WHRN: variants seen among roughly 807,000 people sequenced by gnomAD.
WHRN encodes the protein CASK-interacting protein CIP98.
Under a neutral mutation model 68.3 loss-of-function variants are expected in WHRN, and 41 were observed. The observed-to-expected ratio is 0.60, with a 90% confidence interval of 0.47 to 0.78. The LOEUF is 0.78. Ranked by LOEUF, WHRN falls within the 30% of genes least tolerant of loss-of-function variation. The pLI is 0.00. For missense variants in WHRN, 1,243 were observed against 1,244.7 expected (o/e 1.00, Z 0.02); for synonymous variants, 560 against 561.3 (o/e 1.00, Z 0.03).
At chr9:114,406,081 AC>A (rs1835001594) in intron 9 of WHRN, among the ~76,000 whole-genome samples, 2 of 152,222 alleles carry the variant, frequency 1.3e-5, no homozygotes, top group East Asian at 3.9e-4. Flanking sequence ...TGGAGAAGGC[AC>A]CCCGACGCTC....
chr9:114,458,754 T>C (rs958666414), intron 3 of WHRN, among the ~76,000 whole-genome samples: 1 of 152,104 alleles, frequency 6.6e-6, no homozygotes, highest in African/African-American at 2.4e-5. Context: ...GGAAATTATG[T>C]TGAATGGGGA....
intron 1 of WHRN, among the ~76,000 whole-genome samples, chr9:114,497,023 G>A (rs571252461): frequency 5.9e-5 from 9 of 152,222 alleles, no homozygotes; most frequent in Non-Finnish European, 1.3e-4. Flanking sequence ...GCATGGTTAA[G>A]GCCTGGCTGG....
chr9:114,435,786 G>C (rs1414690580), intron 3 of WHRN, among the ~76,000 whole-genome samples: 6 of 152,046 alleles, frequency 3.9e-5, no homozygotes, highest in African/African-American at 1.5e-4. Flanking sequence ...GGAAGGAAGG[G>C]GAAACCTCAT....
intron 3 of WHRN, among the ~76,000 whole-genome samples, chr9:114,450,615 A>G (rs572453024): frequency 1.3e-5 from 2 of 152,326 alleles, no homozygotes; most frequent in African/African-American, 4.8e-5. Flanking sequence ...TTTTATCTGC[A>G]TCAAGTGCTT....
At chr9:114,502,712 G>A (rs142588190) in intron 1 of WHRN, among the ~76,000 whole-genome samples, 9 of 152,256 alleles carry the variant, frequency 5.9e-5, no homozygotes, top group Middle Eastern at 3.4e-3. Flanking sequence ...CCTTGTGACC[G>A]TTAAGTTACC....
At chr9:114,467,333 G>A (rs910453573) in intron 2 of WHRN, among the ~76,000 whole-genome samples, 11 of 152,098 alleles carry the variant, frequency 7.2e-5, no homozygotes, top group African/African-American at 2.4e-4. Context: ...TGAGGGGCCC[G>A]CAGTCTAGTG....
chr9:114,437,550 G>A (rs1837969111), intron 3 of WHRN, among the ~76,000 whole-genome samples: 1 of 152,172 alleles, frequency 6.6e-6, no homozygotes, highest in African/African-American at 2.4e-5. Flanking sequence ...TAGGGCCTGT[G>A]AGGAGGTAAA....
chr9:114,424,657 T>C, intron 5 of WHRN, 111 bp from the exon 6 acceptor site: 1 of 1,219,810 alleles, frequency 8.2e-7, no homozygotes. Context: ...GTTTCATCTG[T>C]TATTCTCCCT....
At chr9:114,451,006 A>G (rs1178884529) in intron 3 of WHRN, among the ~76,000 whole-genome samples, 1 of 150,554 alleles carries the variant, frequency 6.6e-6, no homozygotes, top group Non-Finnish European at 1.5e-5. Context: ...AGTGACTCTT[A>G]GCATTAGCTA....
In WHRN at chr9:114,402,692, AC is replaced by A; in HGVS notation, c.*61del. 6.2e-7 allele frequency: 1 copy of A among 1,605,406 alleles called. No homozygotes were observed. The highest frequency in any genetic ancestry group is 8.5e-7 in the Non-Finnish European group (1 of 1,174,520). On this transcript the variant is annotated 3_prime_UTR_variant, in exon 12 of 12. Transcript: ENST00000362057. ...CCCCGCAAGGAGCTTGATGAAGCCA[AC>A]GGTGGAAAGGGACTGGGACCAGGGG...
chr9:114,490,223 A>G (rs1356004665), intron 1 of WHRN, among the ~76,000 whole-genome samples: 1 of 152,244 alleles, frequency 6.6e-6, no homozygotes, highest in Non-Finnish European at 1.5e-5. Flanking sequence ...CCTGAAATGC[A>G]GCCCAACATA....
rs971835953 is a variant in WHRN, at chr9:114,406,917, G to C, written c.1699-25C>G. ...CCTGCCAAAAGACCCAACAGGCGGA[G>C]AAGGAGTCAGACCCCATCACGCCTG... is the stretch of plus-strand genomic sequence containing the variant. On this transcript the variant is annotated intron_variant, in intron 8 of 11. Transcript: ENST00000362057. 12 of 1,554,212 alleles carry C rather than the reference G, an allele frequency of 7.7e-6. No homozygotes were observed. The African/African-American group carries it at 1.6e-4, about 21-fold the overall frequency.
intron 8 of WHRN, 127 bp from the exon 9 acceptor site, chr9:114,407,019 C>T (rs920097635): frequency 6.1e-6 from 7 of 1,145,424 alleles, no homozygotes; most frequent in South Asian, 2.7e-5. Context: ...CTCTTGGCCA[C>T]ACTGCTCTGA....
At chr9:114,449,439 T>C (rs1464951915) in intron 3 of WHRN, among the ~76,000 whole-genome samples, 2 of 152,246 alleles carry the variant, frequency 1.3e-5, no homozygotes, top group Non-Finnish European at 2.9e-5. Context: ...TCTGCTCTAA[T>C]GGGCGTGCCC....
intron 4 of WHRN, 87 bp downstream of exon 4, chr9:114,426,123 AG>A: frequency 1.3e-6 from 2 of 1,569,254 alleles, no homozygotes; most frequent in Non-Finnish European, 1.7e-6. Flanking sequence ...GAGGAGAGCC[AG>A]GGCGGTGGAG....
intron 3 of WHRN, among the ~76,000 whole-genome samples, chr9:114,459,959 G>A (rs905024945): frequency 2.0e-5 from 3 of 152,182 alleles, no homozygotes; most frequent in Admixed American, 6.5e-5. Context: ...AAGCATAGTA[G>A]TGACCCCAAG....
At chr9:114,414,853 A>G (rs1463672730) in intron 7 of WHRN, among the ~76,000 whole-genome samples, 2 of 152,174 alleles carry the variant, frequency 1.3e-5, no homozygotes, top group Non-Finnish European at 2.9e-5. Flanking sequence ...GAAGACACCT[A>G]TCATCCTCGA....
In WHRN at chr9:114,504,396, C is replaced by G. The variant is rs775689658; in HGVS notation, c.406G>C (p.Gly136Arg). ...AWGGPDSAGP[G>R]EVRLVSLRRA... is the part of the protein sequence containing the mutation. ...CGCAAACTCACCAGGCGCACCTCCC[C>G]TGGCCCCGCGCTGTCGGGGCCGCCC... Residue 136 changes from glycine (G) to arginine (R), a missense_variant, in exon 1 of 12, where the codon GGG (glycine) becomes CGG (arginine). By Grantham distance (125) the Gly-to-Arg change is moderately radical. Coordinates refer to ENST00000362057, the MANE Select transcript of WHRN (RefSeq NM_015404.4). The G allele has an allele frequency of 1.2e-6, 2 of 1,605,934 alleles. No homozygotes were observed. Among genetic ancestry groups the G allele is most frequent in the Admixed American group, 1.7e-5 (1 of 59,982 alleles).
At chr9:114,464,188 G>A (rs1840472224) in intron 3 of WHRN, among the ~76,000 whole-genome samples, 1 of 152,150 alleles carries the variant, frequency 6.6e-6, no homozygotes, top group Non-Finnish European at 1.5e-5. Flanking sequence ...GGTCAAACAA[G>A]TTAATGACAT....
Sources: gnomAD v4.1 joint callset for allele counts (sites outside exome capture counted in the v4.1 genomes callset) on GRCh38, gnomAD v4.1.1 for gene constraint, MANE v1.5 for transcripts, NCBI Gene and HGNC (gene_info 2026-07-23, HGNC 2026-07-21) for gene names.